Variants in ATAD3B observed in about 807,000 individuals in gnomAD.
The protein encoded by ATAD3B is ATPase family AAA domain containing 3B, also known as ATPase family AAA domain-containing protein 3B.
In ATAD3B, 59 loss-of-function variants were observed where a neutral mutation model predicts 70.2. That is an observed-to-expected ratio of 0.84 (90% CI 0.68 to 1.04). The LOEUF (loss-of-function observed/expected upper bound fraction) is 1.04, where lower values mean the gene tolerates loss of function less well. Among genes scored for constraint, ATAD3B ranks in the 50% least tolerant of loss-of-function variants. The pLI, the probability that ATAD3B is intolerant of heterozygous loss-of-function variation, is 0.00. For missense variants in ATAD3B, 961 were observed against 913.4 expected (o/e 1.05, Z -0.67); for synonymous variants, 423 against 388.6 (o/e 1.09, Z -1.04).
chr1:1,487,813 G>T (rs1321547242), intron 11 of ATAD3B, 50 bp from the exon 12 acceptor site: 1 of 1,604,830 alleles, frequency 6.2e-7, no homozygotes, highest in East Asian at 2.2e-5. Context: ...GCTGCTGTGG[G>T]CTGCTCCTGG....
chr1:1,504,746 G>A, the ATAD3B span, among the ~76,000 whole-genome samples: 1 of 152,134 alleles, frequency 6.6e-6, no homozygotes, highest in African/African-American at 2.4e-5. Context: ...GAAGACTACA[G>A]GCCCAAGGTC....
At chr1:1,508,402 G>A in the ATAD3B span, among the ~76,000 whole-genome samples, 12 of 151,390 alleles carry the variant, frequency 7.9e-5, no homozygotes, top group East Asian at 2.3e-3. Flanking sequence ...CCTGCACCCC[G>A]TGAGATGAAT....
chr1:1,472,165 G>A (rs1370824829), intron 1 of ATAD3B, 76 bp downstream of exon 1: 33 of 1,345,040 alleles, frequency 2.5e-5, no homozygotes, highest in Non-Finnish European at 3.1e-5. Context: ...GGCCCTTGCC[G>A]CTCCTCGCTG....
intron 13 of ATAD3B, chr1:1,489,890 G>T (rs111274575): frequency 0.01 from 12,609 of 1,219,008 alleles, 242 homozygotes; most frequent in Non-Finnish European, 0.011. Flanking sequence ...CTTCTGGCTC[G>T]CATGGCCATA....
rs1483393832 is a variant in ATAD3B, at chr1:1,490,335, C to T, written c.1416C>T (p.His472=). 2.5e-6 allele frequency: 4 copies of T among 1,613,326 alleles called. No individual in the cohort carries two copies. Among genetic ancestry groups the T allele is most frequent in the Non-Finnish European group, 3.4e-6 (4 of 1,179,704 alleles). ...AINSRIDVMV[H]FDLPQQEERE... The stretch of plus-strand genomic sequence containing the variant: ...ACAGCCGCATTGACGTGATGGTCCA[C>T]TTCGACCTGCCGCAGCAGGAGGAGC... The change falls in exon 14 of 16, where the codon CAC becomes CAT. Residue 472 remains histidine, a synonymous_variant. Coordinates refer to ENST00000673477, the MANE Select transcript of ATAD3B (RefSeq NM_031921.6).
downstream of ATAD3B, among the ~76,000 whole-genome samples, chr1:1,498,999 T>G (rs1224224568): frequency 1.4e-5 from 2 of 147,938 alleles, no homozygotes; most frequent in East Asian, 4.0e-4. Context: ...TGAGACAGAG[T>G]CTCATGCTGT....
At chr1:1,474,423 CCCG>C (rs1639490262) in intron 1 of ATAD3B, among the ~76,000 whole-genome samples, 1 of 151,550 alleles carries the variant, frequency 6.6e-6, no homozygotes, top group African/African-American at 2.4e-5. Flanking sequence ...ATCTCCTGAC[CCCG>C]TGATCCACCC....
intron 10 of ATAD3B, 140 bp from the exon 11 acceptor site, chr1:1,486,404 C>T (rs1215838349): frequency 1.4e-5 from 22 of 1,585,986 alleles, no homozygotes; most frequent in South Asian, 2.3e-5. Flanking sequence ...ATCTTCCAGG[C>T]GGGGGACGTC....
chr1:1,491,369 A>G (rs1640531189), intron 15 of ATAD3B, among the ~76,000 whole-genome samples: 1 of 152,058 alleles, frequency 6.6e-6, no homozygotes, highest in South Asian at 2.1e-4. Flanking sequence ...CGTCTCTACT[A>G]AAAATACAAA....
downstream of ATAD3B, among the ~76,000 whole-genome samples, chr1:1,499,567 G>A (rs111976714): frequency 0.023 from 3,414 of 149,062 alleles, 152 homozygotes; most frequent in African/African-American, 0.079. Flanking sequence ...CACCCTGGTG[G>A]GGTTGGTTCC....
rs540964549 is a variant in ATAD3B at position 1,490,048 on chromosome 1, G to A, written c.1338-209G>A. On this transcript the variant is annotated intron_variant, in intron 13 of 15. Coordinates refer to ENST00000673477, the MANE Select transcript of ATAD3B (RefSeq NM_031921.6). ...ACACAGGGCAAGAACAGAGGCCCGA[G>A]AAGCCGGGCGGGGGGCAGCTGGGCG... 146 of 1,405,384 alleles carry A rather than the reference G, an allele frequency of 1.0e-4. No homozygotes were observed. The South Asian group carries it at 2.0e-3, about 19-fold the overall frequency. 87.1% of individuals were successfully genotyped at this position (1,405,384 alleles called of 1,614,324 possible). A position where few individuals can be genotyped will look rare whatever the true frequency, so the allele number is the denominator to read the frequency against.
the ATAD3B span, chr1:1,503,695 G>A: frequency 1.2e-6 from 2 of 1,608,332 alleles, no homozygotes; most frequent in East Asian, 2.2e-5. Flanking sequence ...GGAGGCCGGG[G>A]CGCACATGGG....
chr1:1,494,589 G>A (rs1191199636), intron 15 of ATAD3B, among the ~76,000 whole-genome samples: 3 of 151,852 alleles, frequency 2.0e-5, no homozygotes, highest in Admixed American at 2.0e-4. Flanking sequence ...GCGAGGGGTG[G>A]GCGCTGGCAG....
At chr1:1,486,461 G>A (rs542996639) in intron 10 of ATAD3B, 83 bp from the exon 11 acceptor site, 11 of 1,547,162 alleles carry the variant, frequency 7.1e-6, no homozygotes, top group Admixed American at 2.0e-5. Flanking sequence ...CCCGGCAGGG[G>A]CTCCACACTC....
At chr1:1,484,878 C>A in intron 7 of ATAD3B, 138 bp from the exon 8 acceptor site, 1 of 1,429,078 alleles carries the variant, frequency 7.0e-7, no homozygotes, top group South Asian at 1.5e-5. Context: ...GCTGGGAATT[C>A]GGGTTCCTGT....
At chr1:1,490,858 C>T (rs940437531) in intron 15 of ATAD3B, among the ~76,000 whole-genome samples, 187 bp downstream of exon 15, 2 of 152,078 alleles carry the variant, frequency 1.3e-5, no homozygotes, top group Non-Finnish European at 2.9e-5. Context: ...TGCACCTGCT[C>T]GTGCCCTCAG....
chr1:1,509,087 C>A, the ATAD3B span: 32 of 1,450,294 alleles, frequency 2.2e-5, no homozygotes, highest in Non-Finnish European at 2.4e-5. Context: ...GCCTGTGTTT[C>A]ACGCTCAGGC....
Position 1,471,842 on chromosome 1 carries a change from G to C in ATAD3B, c.-43G>C. 7.9e-7 allele frequency: 1 copy of C among 1,264,878 alleles called. No homozygotes were observed. Among genetic ancestry groups the C allele is most frequent in the Non-Finnish European group, 1.0e-6 (1 of 1,001,810 alleles). 78.4% of individuals were successfully genotyped at this position (1,264,878 alleles called of 1,614,324 possible). ...TCCCAGCCGCGCCCGAGTCAGACTC[G>C]GGTGGGGGTCCCGGCGGCGGTAGCG... On this transcript the variant is annotated 5_prime_UTR_variant, in exon 1 of 16. Transcript: ENST00000673477.
chr1:1,499,934 GC>G (rs1314145742), downstream of ATAD3B, among the ~76,000 whole-genome samples: 2 of 141,442 alleles, frequency 1.4e-5, no homozygotes, highest in Non-Finnish European at 3.0e-5. Context: ...TTGCTCTGTT[GC>G]CCAGGCTGGA....
Sources: gnomAD v4.1 joint callset for allele counts (sites outside exome capture counted in the v4.1 genomes callset) on GRCh38, gnomAD v4.1.1 for gene constraint, MANE v1.5 for transcripts, NCBI Gene and HGNC (gene_info 2026-07-23, HGNC 2026-07-21) for gene names.